The following RUNX2 variants were observed in gnomAD, a reference collection of about 807,000 sequenced individuals.
The protein encoded by RUNX2 is RUNX family transcription factor 2, also known as runt-related transcription factor 2.
RUNX2 carries 10 observed loss-of-function variants against 51.7 expected under a neutral mutation model. That is an observed-to-expected ratio of 0.19 (90% CI 0.12 to 0.33). RUNX2 has a LOEUF of 0.33. Among genes scored for constraint, RUNX2 ranks in the 10% least tolerant of loss-of-function variants. RUNX2 has a pLI of 1.00. For synonymous variants in RUNX2, 276 were observed against 273.6 expected (o/e 1.01, Z -0.09); for missense variants, 562 against 691.3 (o/e 0.81, Z 2.10).
intron 5 of RUNX2, among the ~76,000 whole-genome samples, chr6:45,468,983 C>T (rs1157344060): frequency 6.6e-6 from 1 of 152,248 alleles, no homozygotes; most frequent in Non-Finnish European, 1.5e-5. Context: ...CATCTCTTTT[C>T]ATGTGGCACC....
At chr6:45,517,819 C>T (rs1398295435) in intron 7 of RUNX2, among the ~76,000 whole-genome samples, 1 of 150,890 alleles carries the variant, frequency 6.6e-6, no homozygotes, top group Non-Finnish European at 1.5e-5. Flanking sequence ...AACCCCACCC[C>T]ATTTGAGTAC....
chr6:45,453,445 A>C (rs902994442), intron 5 of RUNX2, among the ~76,000 whole-genome samples: 2 of 152,222 alleles, frequency 1.3e-5, no homozygotes, highest in African/African-American at 4.8e-5. Context: ...GAAACTGAGG[A>C]TATACTAGGT....
intron 7 of RUNX2, among the ~76,000 whole-genome samples, chr6:45,514,605 G>C (rs888694663): frequency 6.6e-6 from 1 of 152,152 alleles, no homozygotes; most frequent in Non-Finnish European, 1.5e-5. Flanking sequence ...ATGTAGGTAG[G>C]GAAACAGGAA....
intron 5 of RUNX2, among the ~76,000 whole-genome samples, chr6:45,450,868 C>A (rs1016169723): frequency 1.3e-5 from 2 of 152,168 alleles, no homozygotes; most frequent in Non-Finnish European, 1.5e-5. Context: ...GACTCACACA[C>A]CCAAAAGTGG....
chr6:45,489,791 G>A (rs1369674312), intron 5 of RUNX2, among the ~76,000 whole-genome samples: 1 of 152,166 alleles, frequency 6.6e-6, no homozygotes, highest in Admixed American at 6.5e-5. Flanking sequence ...GTTAGACCCA[G>A]CAAGATGTAT....
rs750984370 is a variant in RUNX2 at position 45,422,765 on chromosome 6, TGCGGCG to T, written c.243_248del (p.Ala88_Ala89del). 11 of 1,334,460 alleles carry T rather than the reference TGCGGCG, an allele frequency of 8.2e-6. No individual in the cohort carries two copies. The African/African-American group carries it at 1.2e-4, about 15-fold the overall frequency. 82.7% of individuals were successfully genotyped at this position (1,334,460 alleles called of 1,614,324 possible). ...AGCAGCAGGAGGCGGCGGCGGCGGC[TGCGGCG>T]GCGGCGGCGGCTGCGGCGGCGGCAG... is the stretch of plus-strand genomic sequence containing the variant. On this transcript the variant is annotated inframe_deletion, in exon 3 of 9. Transcript: ENST00000647337.
intron 2 of RUNX2, among the ~76,000 whole-genome samples, chr6:45,391,234 T>G (rs1797462429): frequency 6.6e-6 from 1 of 152,178 alleles, no homozygotes; most frequent in Non-Finnish European, 1.5e-5. Flanking sequence ...TGGGGGCAGA[T>G]CCCTCATGAA....
chr6:45,511,272 C>A (rs150092166), intron 6 of RUNX2, among the ~76,000 whole-genome samples: 138 of 152,186 alleles, frequency 9.1e-4, no homozygotes, highest in African/African-American at 3.1e-3. Flanking sequence ...AGAGATACAT[C>A]AAAAAATATT....
At chr6:45,475,845 C>T (rs1359721118) in intron 5 of RUNX2, among the ~76,000 whole-genome samples, 1 of 152,138 alleles carries the variant, frequency 6.6e-6, no homozygotes, top group East Asian at 1.9e-4. Flanking sequence ...AAATTATAGC[C>T]CTAGGGCCTG....
chr6:45,505,696 T>C (rs1045092412), intron 6 of RUNX2, among the ~76,000 whole-genome samples: 8 of 152,222 alleles, frequency 5.3e-5, no homozygotes, highest in African/African-American at 1.7e-4. Context: ...ACTAGCATTT[T>C]TGAGCACCCC....
Position 45,549,546 on chromosome 6 carries a change from GT to G in RUNX2, c.*2244del, listed in dbSNP as rs1451609258. 5.0e-6 allele frequency: 2 copies of G among 396,174 alleles called. No homozygotes were observed. The highest frequency in any genetic ancestry group is 7.1e-5 in the East Asian group (2 of 27,992). The allele number at this position is 396,174 out of a possible 1,614,324, so 24.5% of individuals were successfully genotyped here. On this transcript the variant is annotated 3_prime_UTR_variant, in exon 9 of 9. Coordinates refer to ENST00000647337, the MANE Select transcript of RUNX2 (RefSeq NM_001024630.4). ...GAAGTAGTAATTGATACTATTTATT[GT>G]TTGTGTGTGGTAGCTTGAAGCACAC...
At chr6:45,382,806 C>T (rs1797270615) in intron 2 of RUNX2, among the ~76,000 whole-genome samples, 1 of 152,086 alleles carries the variant, frequency 6.6e-6, no homozygotes, top group Non-Finnish European at 1.5e-5. Context: ...AGTGACAGGT[C>T]CTATTGCAGT....
intron 4 of RUNX2, among the ~76,000 whole-genome samples, chr6:45,433,278 A>G (rs1417276515): frequency 2.0e-5 from 3 of 152,236 alleles, no homozygotes; most frequent in African/African-American, 7.2e-5. Flanking sequence ...TTTCATAAAA[A>G]GAAGAAAAAA....
intron 2 of RUNX2, among the ~76,000 whole-genome samples, chr6:45,382,288 T>TG (rs1449249098): frequency 1.3e-5 from 2 of 152,202 alleles, no homozygotes; most frequent in Admixed American, 1.3e-4. Flanking sequence ...CAAACTCACA[T>TG]GCAGAAGTTA....
At chr6:45,472,784 T>G (rs1422121759) in intron 5 of RUNX2, among the ~76,000 whole-genome samples, 1 of 152,220 alleles carries the variant, frequency 6.6e-6, no homozygotes, top group East Asian at 1.9e-4. Flanking sequence ...ACTGTAATTT[T>G]TTTTGCTTGT....
At chr6:45,484,482 G>A (rs1431426594) in intron 5 of RUNX2, among the ~76,000 whole-genome samples, 1 of 152,130 alleles carries the variant, frequency 6.6e-6, no homozygotes, top group African/African-American at 2.4e-5. Context: ...CGTAAACAGA[G>A]GAGCAGACTT....
At chr6:45,431,057 G>T (rs1315377821) in intron 3 of RUNX2, among the ~76,000 whole-genome samples, 1 of 152,162 alleles carries the variant, frequency 6.6e-6, no homozygotes, top group African/African-American at 2.4e-5. Flanking sequence ...ATGTTTGTTT[G>T]TTCCAAAGAT....
At chr6:45,374,950 T>C (rs1240730929) in intron 2 of RUNX2, among the ~76,000 whole-genome samples, 1 of 152,222 alleles carries the variant, frequency 6.6e-6, no homozygotes, top group Non-Finnish European at 1.5e-5. Flanking sequence ...CTCACACCTG[T>C]AATCCCAGAA....
At chr6:45,333,680 A>C (rs566028271) in intron 2 of RUNX2, among the ~76,000 whole-genome samples, 2 of 151,492 alleles carry the variant, frequency 1.3e-5, no homozygotes, top group South Asian at 4.1e-4. Flanking sequence ...TGATATAAAA[A>C]ACAATCCCCA....
Sources: gnomAD v4.1 joint callset for allele counts (sites outside exome capture counted in the v4.1 genomes callset) on GRCh38, gnomAD v4.1.1 for gene constraint, MANE v1.5 for transcripts, NCBI Gene and HGNC (gene_info 2026-07-23, HGNC 2026-07-21) for gene names.